The following SLC8A1 variants were observed in gnomAD, a reference collection of about 807,000 sequenced individuals.
The protein encoded by SLC8A1 is solute carrier family 8 member A1.
SLC8A1 carries 18 observed loss-of-function variants against 68.3 expected under a neutral mutation model. The observed-to-expected ratio is 0.26, with a 90% CI of 0.18 to 0.39. The LOEUF is 0.39. Ranked by LOEUF, SLC8A1 falls within the 10% of genes least tolerant of loss-of-function variation. SLC8A1 has a pLI of 1.00. For missense variants in SLC8A1, 985 were observed against 1,156.7 expected, an observed-to-expected ratio of 0.85 and a Z score of 2.15; for synonymous variants, 475 against 415.5, an observed-to-expected ratio of 1.14 and a Z score of -1.74.
At chr2:40,138,329 G>A (rs1446020644) in intron 7 of SLC8A1, among the ~76,000 whole-genome samples, 1 of 152,166 alleles carries the variant, frequency 6.6e-6, no homozygotes, top group African/African-American at 2.4e-5. Flanking sequence ...AACTTTAGTA[G>A]AAAACAAAGT....
At chr2:40,273,284 G>C (rs376504153) in intron 2 of SLC8A1, among the ~76,000 whole-genome samples, 3 of 151,682 alleles carry the variant, frequency 2.0e-5, no homozygotes, top group South Asian at 4.2e-4. Context: ...GTAGAGACGG[G>C]GTTTCTTCAT....
At chr2:40,388,670 CT>C (rs1684359780) in intron 2 of SLC8A1, among the ~76,000 whole-genome samples, 1 of 152,106 alleles carries the variant, frequency 6.6e-6, no homozygotes. Flanking sequence ...TAAATTTCCT[CT>C]TTTATTCAGA....
At chr2:40,289,680 G>A (rs2068939774) in intron 2 of SLC8A1, among the ~76,000 whole-genome samples, 1 of 151,888 alleles carries the variant, frequency 6.6e-6, no homozygotes, top group Non-Finnish European at 1.5e-5. Flanking sequence ...GTGAAACCCT[G>A]TCTCTACTAA....
chr2:40,129,271 A>G (rs2038823619), intron 7 of SLC8A1, among the ~76,000 whole-genome samples: 1 of 150,372 alleles, frequency 6.7e-6, no homozygotes, highest in South Asian at 2.1e-4. Flanking sequence ...ACACTCTGTC[A>G]CTGAGGCTGA....
chr2:40,234,996 T>C (rs954333592), intron 2 of SLC8A1, among the ~76,000 whole-genome samples: 15 of 152,248 alleles, frequency 9.9e-5, no homozygotes, highest in African/African-American at 3.1e-4. Context: ...GCTGGATTCG[T>C]TTTGCCAGTA....
intron 2 of SLC8A1, among the ~76,000 whole-genome samples, chr2:40,404,253 T>C (rs748527896): frequency 5.9e-5 from 9 of 152,194 alleles, no homozygotes; most frequent in Non-Finnish European, 1.0e-4. Context: ...AAGGCTTCTT[T>C]GTACACAAAT....
chr2:40,261,424 G>T (rs1012718871), intron 2 of SLC8A1, among the ~76,000 whole-genome samples: 1 of 152,162 alleles, frequency 6.6e-6, no homozygotes, highest in Non-Finnish European at 1.5e-5. Flanking sequence ...ATTAGAAACT[G>T]CTCGATTGGG....
chr2:40,240,999 T>C (rs1438394633), intron 2 of SLC8A1, among the ~76,000 whole-genome samples: 1 of 152,202 alleles, frequency 6.6e-6, no homozygotes, highest in Non-Finnish European at 1.5e-5. Flanking sequence ...CATTATTGGG[T>C]ATATACCCAA....
chr2:40,120,241 A>T (rs188541947), intron 7 of SLC8A1, among the ~76,000 whole-genome samples: 9 of 152,314 alleles, frequency 5.9e-5, no homozygotes, highest in Non-Finnish European at 1.2e-4. Context: ...CAGCTCTCCA[A>T]TGCTTCATGC....
intron 2 of SLC8A1, among the ~76,000 whole-genome samples, chr2:40,403,364 A>AG (rs1689328560): frequency 1.3e-5 from 2 of 152,208 alleles, no homozygotes; most frequent in Non-Finnish European, 2.9e-5. Flanking sequence ...TAAACAATCC[A>AG]GGGAGCTTTC....
chr2:40,465,397 G>A (rs2149897537), intron 1 of SLC8A1, among the ~76,000 whole-genome samples: 1 of 152,222 alleles, frequency 6.6e-6, no homozygotes, highest in South Asian at 2.1e-4. Context: ...AAGAAAAAGT[G>A]TACTGTTTTA....
At chr2:40,282,664 C>T (rs1170596109) in intron 2 of SLC8A1, among the ~76,000 whole-genome samples, 1 of 152,138 alleles carries the variant, frequency 6.6e-6, no homozygotes, top group African/African-American at 2.4e-5. Context: ...CATGACGTAG[C>T]TTTTGGGGCC....
intron 1 of SLC8A1, among the ~76,000 whole-genome samples, chr2:40,481,309 G>C (rs1041722544): frequency 2.0e-5 from 3 of 152,166 alleles, no homozygotes; most frequent in African/African-American, 4.8e-5. Flanking sequence ...ACAAATTAAT[G>C]CCATATTTAT....
intron 1 of SLC8A1, among the ~76,000 whole-genome samples, chr2:40,445,390 A>T (rs1027006802): frequency 6.6e-6 from 1 of 152,206 alleles, no homozygotes; most frequent in East Asian, 1.9e-4. Flanking sequence ...TTAGACATTC[A>T]GGAATTCCTG....
At chr2:40,505,428 C>T (rs1184249671) in intron 1 of SLC8A1, among the ~76,000 whole-genome samples, 1 of 151,736 alleles carries the variant, frequency 6.6e-6, no homozygotes, top group Non-Finnish European at 1.5e-5. Flanking sequence ...ACATTGCATG[C>T]CTGTATCCAA....
chr2:40,423,041 C>A (rs1484770796), intron 2 of SLC8A1, among the ~76,000 whole-genome samples: 1 of 152,018 alleles, frequency 6.6e-6, no homozygotes, highest in African/African-American at 2.4e-5. Context: ...TCTACACATT[C>A]CACAAACAAA....
intron 1 of SLC8A1, among the ~76,000 whole-genome samples, chr2:40,468,462 G>A (rs1195558139): frequency 6.6e-6 from 1 of 152,012 alleles, no homozygotes; most frequent in Non-Finnish European, 1.5e-5. Flanking sequence ...GGCTCATTAA[G>A]TTTAAATAAG....
chr2:40,144,950 TAACA>T (rs929549046), intron 6 of SLC8A1, among the ~76,000 whole-genome samples: 3 of 152,150 alleles, frequency 2.0e-5, no homozygotes. Context: ...TCTACTTATT[TAACA>T]AACATTTCTA....
At chr2:40,467,740 G>A (rs1703776447) in intron 1 of SLC8A1, among the ~76,000 whole-genome samples, 1 of 152,042 alleles carries the variant, frequency 6.6e-6, no homozygotes, top group Admixed American at 6.6e-5. Context: ...AGAAAACAAT[G>A]GTGGTTTTCT....
Sources: gnomAD v4.1 joint callset for allele counts (sites outside exome capture counted in the v4.1 genomes callset) on GRCh38, gnomAD v4.1.1 for gene constraint, MANE v1.5 for transcripts, NCBI Gene and HGNC (gene_info 2026-07-23, HGNC 2026-07-21) for gene names.